MIA2: variants seen among roughly 807,000 people sequenced by gnomAD.
MIA2 encodes the protein melanoma inhibitory activity protein 2.
A neutral mutation model predicts 167.8 loss-of-function variants in MIA2; 127 were observed. That is an observed-to-expected ratio of 0.76 (90% CI 0.66 to 0.88). The LOEUF is 0.88. Among genes scored for constraint, MIA2 ranks in the 40% least tolerant of loss-of-function variants. MIA2 has a pLI of 0.00. For synonymous variants in MIA2, 552 were observed against 541.9 expected, an observed-to-expected ratio of 1.02 and a Z score of -0.26; for missense variants, 1,690 against 1,624.7, an observed-to-expected ratio of 1.04 and a Z score of -0.69.
At chr14:39,286,093 T>C (rs6571913) in intron 9 of MIA2, among the ~76,000 whole-genome samples, 134,529 of 151,882 alleles carry the variant, frequency 0.89, 59,857 homozygotes, top group East Asian at 0.96. Context: ...CCAAGGCAGG[T>C]GGCTGGGAGG....
At chr14:39,283,315 A>G (rs1422659200) in intron 9 of MIA2, among the ~76,000 whole-genome samples, 1 of 152,130 alleles carries the variant, frequency 6.6e-6, no homozygotes, top group Non-Finnish European at 1.5e-5. Flanking sequence ...TCTCCATACT[A>G]CTTTCTGTAG....
intron 18 of MIA2, among the ~76,000 whole-genome samples, chr14:39,312,407 C>G (rs977294243): frequency 1.3e-5 from 2 of 152,182 alleles, no homozygotes; most frequent in African/African-American, 4.8e-5. Context: ...GCTTTCTAAG[C>G]AATAGGTAAT....
At chr14:39,308,382 T>A in intron 17 of MIA2, 67 bp from the exon 18 acceptor site, 4 of 998,306 alleles carry the variant, frequency 4.0e-6, no homozygotes, top group Middle Eastern at 3.4e-4. Context: ...AATTTTTATC[T>A]TTCTGAAATG....
intron 3 of MIA2, among the ~76,000 whole-genome samples, chr14:39,243,036 T>C (rs1048531051): frequency 6.6e-6 from 1 of 151,062 alleles, no homozygotes; most frequent in Non-Finnish European, 1.5e-5. Flanking sequence ...GGCAGGAGAA[T>C]TGCTTGAACC....
At chr14:39,266,247 T>C in intron 6 of MIA2, 1 of 985,460 alleles carries the variant, frequency 1.0e-6, no homozygotes, top group Non-Finnish European at 1.2e-6. Context: ...ATGATCATGC[T>C]GGCAAGGAAG....
At chr14:39,364,661 C>T (rs904965158) in intron 23 of MIA2, among the ~76,000 whole-genome samples, 1 of 151,578 alleles carries the variant, frequency 6.6e-6, no homozygotes, top group Non-Finnish European at 1.5e-5. Flanking sequence ...TTTATTTTCC[C>T]TTTTGTTACG....
intron 6 of MIA2, among the ~76,000 whole-genome samples, chr14:39,264,116 G>A (rs890957922): frequency 6.6e-6 from 1 of 152,074 alleles, no homozygotes; most frequent in Non-Finnish European, 1.5e-5. Context: ...CCTCATTTTT[G>A]AGTCCCTAGT....
chr14:39,304,236 T>A (rs531023405), intron 16 of MIA2, 55 bp from the exon 17 acceptor site: 1 of 825,852 alleles, frequency 1.2e-6, no homozygotes, highest in African/African-American at 1.8e-5. Context: ...TTTTTATTTT[T>A]ATTTTTTTGT....
At chr14:39,346,894 C>T (rs1294879027) in intron 26 of MIA2, 1 of 328,476 alleles carries the variant, frequency 3.0e-6, no homozygotes, top group Non-Finnish European at 6.1e-6. Context: ...GCATGAGACA[C>T]CTTGCTCAGC....
chr14:39,240,712 G>A lies in MIA2; in HGVS notation c.336+65G>A, dbSNP rs554934999. On this transcript the variant is annotated intron_variant, in intron 3 of 28. Coordinates refer to ENST00000640607, the MANE Select transcript of MIA2 (RefSeq NM_001329214.4). ...TTTCTTGGTTAAAACAGTTTTCCCAGGTATCAGTGCCTATTGGTTATGTAC... is the reference window on the plus strand; with the variant it reads ...TTTCTTGGTTAAAACAGTTTTCCCAAGTATCAGTGCCTATTGGTTATGTAC... The A allele has an allele frequency of 3.0e-5, 34 of 1,125,866 alleles. No homozygotes were observed. In the Middle Eastern group the frequency reaches 6.2e-4, roughly 21 times the overall value. 69.7% of individuals were successfully genotyped at this position (1,125,866 alleles called of 1,614,324 possible).
At chr14:39,343,196 G>T (rs1023242068) in intron 25 of MIA2, among the ~76,000 whole-genome samples, 6 of 152,140 alleles carry the variant, frequency 3.9e-5, no homozygotes, top group African/African-American at 1.4e-4. Flanking sequence ...TCAGGCTGGG[G>T]TGCAGTGGCG....
chr14:39,272,704 A>G (rs2057361125), intron 6 of MIA2, among the ~76,000 whole-genome samples: 1 of 152,040 alleles, frequency 6.6e-6, no homozygotes, highest in South Asian at 2.1e-4. Flanking sequence ...GCAAGGCTGC[A>G]GTGAGCCAAG....
intron 25 of MIA2, among the ~76,000 whole-genome samples, chr14:39,336,040 T>C (rs1566970173): frequency 1.3e-5 from 2 of 152,232 alleles, no homozygotes; most frequent in Non-Finnish European, 2.9e-5. Flanking sequence ...ATGTCTTTGC[T>C]GTTGTGAATA....
At chr14:39,329,719 G>C (rs1039562486) in intron 25 of MIA2, among the ~76,000 whole-genome samples, 7 of 149,962 alleles carry the variant, frequency 4.7e-5, no homozygotes, top group African/African-American at 1.7e-4. Flanking sequence ...TGCATCTATT[G>C]AGATAATCAT....
At chr14:39,366,681 T>C (rs979416697) in intron 23 of MIA2, among the ~76,000 whole-genome samples, 4 of 152,152 alleles carry the variant, frequency 2.6e-5, no homozygotes, top group African/African-American at 9.7e-5. Context: ...TATGCATGGG[T>C]GCAGTTTGTG....
chr14:39,386,507 G>A, intron 23 of MIA2: 10 of 1,436,896 alleles, frequency 7.0e-6, no homozygotes, highest in Non-Finnish European at 9.6e-6. Flanking sequence ...GGGATTCTTG[G>A]CCTTTTTTTT....
intron 3 of MIA2, among the ~76,000 whole-genome samples, chr14:39,244,835 T>C (rs1218123636): frequency 6.6e-6 from 1 of 151,962 alleles, no homozygotes; most frequent in Non-Finnish European, 1.5e-5. Context: ...TGGAGTGCAG[T>C]GGTGCAATTA....
At chr14:39,385,324 T>A (rs1595972883) in intron 23 of MIA2, 36 of 657,086 alleles carry the variant, frequency 5.5e-5, no homozygotes, top group Admixed American at 7.3e-5. Flanking sequence ...AAATCCTCTT[T>A]AAAAAAAAAA....
At chr14:39,357,309 G>A (rs1300681714) in intron 23 of MIA2, among the ~76,000 whole-genome samples, 1 of 152,060 alleles carries the variant, frequency 6.6e-6, no homozygotes, top group African/African-American at 2.4e-5. Context: ...TTATGTAATG[G>A]CCTTGTTTGT....
Sources: allele counts gnomAD v4.1 joint callset (sites outside exome capture counted in the v4.1 genomes callset), GRCh38; gene constraint gnomAD v4.1.1; transcripts MANE v1.5; gene names NCBI Gene and HGNC (gene_info 2026-07-23, HGNC 2026-07-21).